The following SAMD5 variants were observed in gnomAD, a reference collection of about 807,000 sequenced individuals.
SAMD5 encodes sterile alpha motif domain containing 5.
SAMD5 carries 13 observed loss-of-function variants against 11.3 expected under a neutral mutation model. The ratio of observed to expected loss-of-function variants is 1.15; its 90% CI spans 0.75 to 1.83. The LOEUF is 1.83. Among genes scored for constraint, SAMD5 ranks in the 40% most tolerant of loss-of-function variants. SAMD5 has a pLI of 0.00. For missense variants in SAMD5, 255 were observed against 239.1 expected, an observed-to-expected ratio of 1.07 and a Z score of -0.44; for synonymous variants, 129 against 111.3, an observed-to-expected ratio of 1.16 and a Z score of -1.00.
At chr6:147,564,372 C>T in intron 1 of SAMD5, 22 bp from the exon 2 acceptor site, 1 of 780,028 alleles carries the variant, frequency 1.3e-6, no homozygotes, top group South Asian at 1.3e-5. Context: ...CTTCAATAAC[C>T]CAGATATGTT....
chr6:147,802,075 T>C, the SAMD5 span, among the ~76,000 whole-genome samples: 1 of 152,172 alleles, frequency 6.6e-6, no homozygotes, highest in African/African-American at 2.4e-5. Flanking sequence ...TTTATCAAAA[T>C]TAAATGTCCT....
At chr6:147,590,115 G>C (rs1789432098) in intron 1 of SAMD5, among the ~76,000 whole-genome samples, 2 of 152,132 alleles carry the variant, frequency 1.3e-5, no homozygotes, top group Non-Finnish European at 2.9e-5. Context: ...GGTATATAAA[G>C]GCTTTGCTAA....
intron 1 of SAMD5, among the ~76,000 whole-genome samples, chr6:147,614,988 TA>T (rs918251440): frequency 6.6e-6 from 1 of 152,020 alleles, no homozygotes; most frequent in Non-Finnish European, 1.5e-5. Flanking sequence ...TTTAGATTAT[TA>T]AAAAAATCCA....
chr6:147,779,452 A>G, the SAMD5 span, among the ~76,000 whole-genome samples: 1 of 152,216 alleles, frequency 6.6e-6, no homozygotes, highest in South Asian at 2.1e-4. Flanking sequence ...AAGACAAAAC[A>G]ATGCCCTGAG....
At chr6:147,634,725 A>G (rs1309440296) in intron 1 of SAMD5, among the ~76,000 whole-genome samples, 1 of 152,206 alleles carries the variant, frequency 6.6e-6, no homozygotes, top group African/African-American at 2.4e-5. Flanking sequence ...AGAATGCAGC[A>G]CCTACAACAT....
intron 1 of SAMD5, among the ~76,000 whole-genome samples, chr6:147,619,764 G>A (rs1204847444): frequency 1.3e-5 from 2 of 152,196 alleles, no homozygotes; most frequent in Non-Finnish European, 2.9e-5. Context: ...GTTACCCTGT[G>A]TCTGGAGAGG....
intron 1 of SAMD5, among the ~76,000 whole-genome samples, chr6:147,645,903 C>T (rs769020552): frequency 1.3e-4 from 20 of 152,110 alleles, no homozygotes; most frequent in Non-Finnish European, 2.5e-4. Context: ...AACTGGCTCT[C>T]GGATCATCAG....
At chr6:147,945,638 A>G in the SAMD5 span, among the ~76,000 whole-genome samples, 2 of 152,156 alleles carry the variant, frequency 1.3e-5, no homozygotes, top group Non-Finnish European at 2.9e-5. Flanking sequence ...AGGGATGTAT[A>G]TGAGGTGGAT....
the SAMD5 span, among the ~76,000 whole-genome samples, chr6:147,932,749 T>C: frequency 6.6e-6 from 1 of 151,992 alleles, no homozygotes; most frequent in African/African-American, 2.4e-5. Flanking sequence ...GAGAGTATTT[T>C]CCCTTCACTT....
At chr6:147,879,206 G>T in the SAMD5 span, among the ~76,000 whole-genome samples, 1 of 152,180 alleles carries the variant, frequency 6.6e-6, no homozygotes, top group Non-Finnish European at 1.5e-5. Context: ...TCCAGGCTGC[G>T]CTGAAGAAGC....
chr6:147,750,205 C>T, the SAMD5 span, among the ~76,000 whole-genome samples: 9 of 152,172 alleles, frequency 5.9e-5, no homozygotes, highest in Non-Finnish European at 1.3e-4. Flanking sequence ...GCAAAACCAT[C>T]GCTTGACTCT....
At chr6:147,809,226 A>G in the SAMD5 span, among the ~76,000 whole-genome samples, 88 of 151,868 alleles carry the variant, frequency 5.8e-4, no homozygotes, top group African/African-American at 2.1e-3. Flanking sequence ...AGTAGATGGT[A>G]TTTCCACAGT....
At chr6:147,936,158 T>C in the SAMD5 span, among the ~76,000 whole-genome samples, 3 of 152,156 alleles carry the variant, frequency 2.0e-5, no homozygotes, top group Non-Finnish European at 4.4e-5. Flanking sequence ...CTAGGCAGCA[T>C]TTCAAAGGCC....
the SAMD5 span, among the ~76,000 whole-genome samples, chr6:147,856,810 T>A: frequency 8.5e-6 from 1 of 117,018 alleles, no homozygotes; most frequent in African/African-American, 4.4e-5. Flanking sequence ...TGACTTAGTT[T>A]TCTGGGGGCG....
At chr6:147,811,520 C>T in the SAMD5 span, among the ~76,000 whole-genome samples, 1,386 of 152,094 alleles carry the variant, frequency 9.1e-3, 20 homozygotes, top group Middle Eastern at 0.041. Flanking sequence ...ATTTTTCTGC[C>T]GTGCATATGC....
chr6:147,758,958 G>A, the SAMD5 span, among the ~76,000 whole-genome samples: 62 of 152,186 alleles, frequency 4.1e-4, no homozygotes, highest in East Asian at 8.5e-3. Flanking sequence ...AGTTTCACTC[G>A]AGCTGAGTCA....
chr6:147,951,282 C>T, the SAMD5 span, among the ~76,000 whole-genome samples: 3,255 of 151,650 alleles, frequency 0.021, 46 homozygotes, highest in Non-Finnish European at 0.034. Flanking sequence ...TCCGGGTTCA[C>T]GCCATTCTCC....
chr6:147,657,097 T>C (rs1382011245), intron 1 of SAMD5, among the ~76,000 whole-genome samples: 1 of 152,144 alleles, frequency 6.6e-6, no homozygotes, highest in African/African-American at 2.4e-5. Flanking sequence ...ACTTCTATAA[T>C]AAAGTGATTT....
intron 1 of SAMD5, among the ~76,000 whole-genome samples, chr6:147,727,823 C>T (rs1051883560): frequency 6.6e-6 from 1 of 152,142 alleles, no homozygotes; most frequent in Non-Finnish European, 1.5e-5. Context: ...AATGATACTA[C>T]CTTTTTGTCC....
Sources: gnomAD v4.1 joint callset for allele counts (sites outside exome capture counted in the v4.1 genomes callset) on GRCh38, gnomAD v4.1.1 for gene constraint, MANE v1.5 for transcripts, NCBI Gene and HGNC (gene_info 2026-07-23, HGNC 2026-07-21) for gene names.